The following UBE2E2 variants were observed in gnomAD, a reference collection of about 807,000 sequenced individuals.
The protein encoded by UBE2E2 is ubiquitin conjugating enzyme E2 E2.
UBE2E2 carries 6 observed loss-of-function variants against 24.7 expected under a neutral mutation model. That is an observed-to-expected ratio of 0.24 (90% CI 0.13 to 0.48). UBE2E2 has a LOEUF of 0.48. UBE2E2 is among the 20% of genes least tolerant of loss of function. UBE2E2 has a pLI of 0.99. For synonymous variants in UBE2E2, 104 were observed against 83.6 expected (o/e 1.24, Z -1.33); for missense variants, 169 against 245.0 (o/e 0.69, Z 2.07).
In UBE2E2 at chr3:23,262,647, A is replaced by G. The variant is rs543271030; in HGVS notation, c.227+45335A>G. Reference sequence around the variant, plus strand: ...CTATTGAGTTATATAAGCTGCTTATATATTTTGGGTATTAAGCCCTTATTA... The same window carrying G: ...CTATTGAGTTATATAAGCTGCTTATGTATTTTGGGTATTAAGCCCTTATTA... On this transcript the variant is annotated intron_variant, in intron 3 of 5. Transcript: ENST00000396703. 3.3e-5 allele frequency among the ~76,000 whole-genome samples: 5 copies of G among 151,852 alleles called. No individual in the cohort carries two copies. In the East Asian group the frequency reaches 7.7e-4, roughly 24 times the overall value.
At chr3:23,439,578 G>A (rs1238604850) in intron 3 of UBE2E2, among the ~76,000 whole-genome samples, 1 of 152,110 alleles carries the variant, frequency 6.6e-6, no homozygotes, top group Non-Finnish European at 1.5e-5. Context: ...AACGTTGAGA[G>A]GTCTGGAATG....
chr3:23,269,114 A>G (rs1044794116), intron 3 of UBE2E2, among the ~76,000 whole-genome samples: 2 of 152,044 alleles, frequency 1.3e-5, no homozygotes, highest in Non-Finnish European at 2.9e-5. Context: ...AAGAAAACCT[A>G]GGCATTACTG....
intron 2 of UBE2E2, among the ~76,000 whole-genome samples, chr3:23,212,590 TC>T (rs953655850): frequency 7.5e-6 from 1 of 133,594 alleles, no homozygotes; most frequent in Non-Finnish European, 1.6e-5. Flanking sequence ...ATGATACTGT[TC>T]GAGGTATGGT....
chr3:23,483,566 A>G (rs1699300258), intron 3 of UBE2E2, among the ~76,000 whole-genome samples: 1 of 152,164 alleles, frequency 6.6e-6, no homozygotes, highest in African/African-American at 2.4e-5. Flanking sequence ...GGATTTTATT[A>G]TGTGTTTCCT....
At chr3:23,579,806 A>G (rs949194190) in intron 5 of UBE2E2, among the ~76,000 whole-genome samples, 8 of 152,192 alleles carry the variant, frequency 5.3e-5, no homozygotes, top group Non-Finnish European at 8.8e-5. Flanking sequence ...TGTGTAAAGG[A>G]TTCACCATTC....
At chr3:23,211,033 A>T (rs2125317621) in intron 2 of UBE2E2, among the ~76,000 whole-genome samples, 1 of 152,218 alleles carries the variant, frequency 6.6e-6, no homozygotes, top group South Asian at 2.1e-4. Context: ...CTTAGGAAAA[A>T]AATTGGGAAT....
chr3:23,272,109 G>T lies in UBE2E2; in HGVS notation c.227+54797G>T, dbSNP rs546688719. 3.3e-5 allele frequency among the ~76,000 whole-genome samples: 5 copies of T among 152,286 alleles called. No homozygotes were observed. The South Asian group carries it at 1.0e-3, about 32-fold the overall frequency. ...TGCCTGTTGGGGAGGCTCGGTCCATGCTGGAGCCCACCGCCAGGGGGCTCG... is the reference window on the plus strand; with the variant it reads ...TGCCTGTTGGGGAGGCTCGGTCCATTCTGGAGCCCACCGCCAGGGGGCTCG... On this transcript the variant is annotated intron_variant, in intron 3 of 5. Transcript: ENST00000396703.
chr3:23,392,402 A>G (rs539816772), intron 3 of UBE2E2, among the ~76,000 whole-genome samples: 145 of 152,250 alleles, frequency 9.5e-4, no homozygotes, highest in African/African-American at 3.3e-3. Flanking sequence ...TCTGGAAACA[A>G]GTAGCTTGGG....
intron 5 of UBE2E2, among the ~76,000 whole-genome samples, chr3:23,563,665 A>G (rs777042940): frequency 1.3e-5 from 2 of 152,078 alleles, no homozygotes; most frequent in African/African-American, 2.4e-5. Context: ...GTTTATCTGT[A>G]TTGCATCCTT....
At position 23,589,942 on chromosome 3, in the gene UBE2E2, A is replaced by C. The variant is rs1696723440; in HGVS notation, c.*111A>C. ...GTTCTTATTTTCCTATTTTTATTAA[A>C]TTTGGAACCATTTTGTGATGGTATG... On this transcript the variant is annotated 3_prime_UTR_variant, in exon 6 of 6. Coordinates refer to ENST00000396703, the MANE Select transcript of UBE2E2 (RefSeq NM_152653.4). This position sits in a 1 kb window ranked among gnomAD's most constrained non-coding sequence, Gnocchi z 4.1. 12 of 991,410 alleles carry C rather than the reference A, an allele frequency of 1.2e-5. No individual in the cohort carries two copies. Among genetic ancestry groups the C allele is most frequent in the Middle Eastern group, 6.3e-4 (2 of 3,188 alleles). 61.4% of individuals were successfully genotyped at this position (991,410 alleles called of 1,614,324 possible).
chr3:23,236,984 C>T (rs763698604), intron 3 of UBE2E2, among the ~76,000 whole-genome samples: 2 of 152,146 alleles, frequency 1.3e-5, no homozygotes, highest in Non-Finnish European at 2.9e-5. Context: ...CCAGCGCACC[C>T]GTGGGACCTG....
intron 3 of UBE2E2, among the ~76,000 whole-genome samples, chr3:23,285,828 G>A (rs987922914): frequency 1.3e-5 from 2 of 152,186 alleles, no homozygotes; most frequent in Middle Eastern, 6.8e-3. Flanking sequence ...GAATAGCTAG[G>A]AGGATTACAG....
intron 4 of UBE2E2, among the ~76,000 whole-genome samples, chr3:23,529,618 G>T (rs1241806324): frequency 2.6e-5 from 4 of 152,008 alleles, no homozygotes; most frequent in Non-Finnish European, 5.9e-5. Context: ...TTTTCAAGTG[G>T]TTGCCAATAA....
intron 3 of UBE2E2, among the ~76,000 whole-genome samples, chr3:23,357,481 A>C (rs1559360303): frequency 6.6e-6 from 1 of 152,214 alleles, no homozygotes; most frequent in East Asian, 1.9e-4. Flanking sequence ...ATTCTTTTTC[A>C]GTTCTTAATA....
chr3:23,456,712 C>T (rs1698687274), intron 3 of UBE2E2, among the ~76,000 whole-genome samples: 1 of 152,134 alleles, frequency 6.6e-6, no homozygotes, highest in Non-Finnish European at 1.5e-5. Flanking sequence ...GTCATCGCAG[C>T]TTTATATAGC....
At position 23,559,723 on chromosome 3, in the gene UBE2E2, A is replaced by G. The variant is rs139699509; in HGVS notation, c.508+27022A>G. Reference sequence around the variant, plus strand: ...AGTCTGGTTAAAATATTAAACATGAATTGACACCACAGTGGTTTGGTATCA... The same window carrying G: ...AGTCTGGTTAAAATATTAAACATGAGTTGACACCACAGTGGTTTGGTATCA... On this transcript the variant is annotated intron_variant, in intron 5 of 5. Transcript: ENST00000396703. Among the ~76,000 whole-genome samples, 1,205 of 152,330 alleles carry G rather than the reference A, an allele frequency of 7.9e-3. 16 individuals are homozygous for G. Among genetic ancestry groups the G allele is most frequent in the African/African-American group, 0.028 (1,153 of 41,576 alleles).
intron 3 of UBE2E2, among the ~76,000 whole-genome samples, chr3:23,257,865 A>G (rs968363251): frequency 6.6e-6 from 1 of 151,990 alleles, no homozygotes; most frequent in African/African-American, 2.4e-5. Flanking sequence ...TTTATGAAAT[A>G]TCCTATACTT....
At chr3:23,373,373 A>G (rs766032288) in intron 3 of UBE2E2, among the ~76,000 whole-genome samples, 87 of 152,200 alleles carry the variant, frequency 5.7e-4, no homozygotes, top group South Asian at 1.2e-3. Context: ...ACAGCCTCCA[A>G]TTCCATTCAT....
rs150970405 is a variant in UBE2E2, at chr3:23,504,912, CTT to C, written c.360+5185_360+5186del. On this transcript the variant is annotated intron_variant, in intron 4 of 5. Transcript: ENST00000396703. ...AATGTTTCTGTTTCAGACATTCTTTCTTTTTTTTTTTTTTGAGACAGGGTCTC... is the reference window on the plus strand; with the variant it reads ...AATGTTTCTGTTTCAGACATTCTTTCTTTTTTTTTTTTGAGACAGGGTCTC... Among the ~76,000 whole-genome samples, 48 of 95,002 alleles carry C rather than the reference CTT, an allele frequency of 5.1e-4. 2 individuals carry two copies. In the East Asian group the frequency reaches 0.011, roughly 21 times the overall value. 62.3% of individuals were successfully genotyped at this position (95,002 alleles called of 152,430 possible).
Sources: gnomAD v4.1 joint callset for allele counts (sites outside exome capture counted in the v4.1 genomes callset) on GRCh38, gnomAD v4.1.1 for gene constraint, Gnocchi (gnomAD v3.1) non-coding constraint, MANE v1.5 for transcripts, NCBI Gene and HGNC (gene_info 2026-07-23, HGNC 2026-07-21) for gene names.